Variants in APBA2 observed in about 807,000 individuals in gnomAD.
APBA2 encodes amyloid-beta A4 precursor protein-binding family A member 2.
APBA2 carries 30 observed loss-of-function variants against 75.0 expected under a neutral mutation model. The observed-to-expected ratio is 0.40, with a 90% CI of 0.30 to 0.54. The LOEUF (loss-of-function observed/expected upper bound fraction) is 0.54, where lower values mean the gene tolerates loss of function less well. Ranked by LOEUF, APBA2 falls within the 20% of genes least tolerant of loss-of-function variation. APBA2 has a pLI of 0.49. For missense variants in APBA2, 801 were observed against 1,016.1 expected (o/e 0.79, Z 2.88); for synonymous variants, 444 against 409.6 (o/e 1.08, Z -1.01).
chr15:29,102,125 C>T (rs768510755), intron 10 of APBA2: 5 of 432,530 alleles, frequency 1.2e-5, no homozygotes, highest in South Asian at 4.4e-5. Context: ...TGCAAATTTT[C>T]GCATGGCCCT....
chr15:29,051,469 G>A (rs1595837166), intron 3 of APBA2, among the ~76,000 whole-genome samples: 1 of 152,264 alleles, frequency 6.6e-6, no homozygotes, highest in East Asian at 1.9e-4. Context: ...CTGTGCAGGT[G>A]GCGGAGTAAA....
At chr15:28,920,818 G>A (rs537089263) in intron 1 of APBA2, among the ~76,000 whole-genome samples, 1 of 152,276 alleles carries the variant, frequency 6.6e-6, no homozygotes, top group African/African-American at 2.4e-5. Flanking sequence ...ATATCTCAGT[G>A]CTGCCATCAT....
intron 4 of APBA2, among the ~76,000 whole-genome samples, chr15:29,060,996 G>T (rs1034638431): frequency 6.6e-6 from 1 of 152,128 alleles, no homozygotes; most frequent in Admixed American, 6.5e-5. Flanking sequence ...GACCTGGCAC[G>T]TCCTTGGTGC....
chr15:29,083,957 C>T (rs1201408852), intron 6 of APBA2, among the ~76,000 whole-genome samples: 1 of 152,224 alleles, frequency 6.6e-6, no homozygotes, highest in Non-Finnish European at 1.5e-5. Context: ...CTTGTTCAAG[C>T]TCATTTATCT....
At chr15:29,016,235 GAC>G (rs1359718299) in intron 3 of APBA2, among the ~76,000 whole-genome samples, 1 of 152,160 alleles carries the variant, frequency 6.6e-6, no homozygotes, top group African/African-American at 2.4e-5. Context: ...CCAGCCTGGA[GAC>G]AGAGTGAGAC....
intron 1 of APBA2, among the ~76,000 whole-genome samples, chr15:28,888,157 A>G (rs1457391573): frequency 1.3e-5 from 2 of 152,124 alleles, no homozygotes; most frequent in Admixed American, 1.3e-4. Context: ...TTTCAACAAA[A>G]TGTTAGTTTT....
At chr15:28,958,974 CTTCTCTTCTCTTCTG>C (rs934089163) in intron 2 of APBA2, among the ~76,000 whole-genome samples, 1 of 152,040 alleles carries the variant, frequency 6.6e-6, no homozygotes, top group African/African-American at 2.4e-5. Flanking sequence ...CTATAGGGCT[CTTCTCTTCTCTTCTG>C]TTCTCTTCTC....
intron 7 of APBA2, 91 bp from the exon 8 acceptor site, chr15:29,094,187 G>A (rs1159212643): frequency 1.4e-6 from 2 of 1,393,598 alleles, no homozygotes; most frequent in Non-Finnish European, 2.0e-6. Context: ...AGACCTGAGA[G>A]TGGGGGCATC....
intron 2 of APBA2, among the ~76,000 whole-genome samples, chr15:28,935,702 A>C (rs1003990913): frequency 3.3e-5 from 5 of 152,200 alleles, no homozygotes; most frequent in African/African-American, 9.6e-5. Flanking sequence ...CCAGGTCTGC[A>C]TGAGGACAGC....
At chr15:28,974,495 G>A (rs1171280013) in intron 2 of APBA2, among the ~76,000 whole-genome samples, 8 of 152,068 alleles carry the variant, frequency 5.3e-5, no homozygotes, top group Non-Finnish European at 7.4e-5. Flanking sequence ...ACTTTGTTTC[G>A]AGACTACTTG....
In APBA2 at chr15:28,984,065, G is replaced by A. The variant is rs534001867; in HGVS notation, c.-94-11688G>A. Among the ~76,000 whole-genome samples, 8 of 152,274 alleles carry A rather than the reference G, an allele frequency of 5.3e-5. No individual in the cohort carries two copies. The East Asian group carries it at 1.2e-3, about 22-fold the overall frequency. ...ACACTTTGGTGTGAGGCGTGCCCTCGGTTGATCAGTTACACTGCTGTGGGG... is the reference window on the plus strand; with the variant it reads ...ACACTTTGGTGTGAGGCGTGCCCTCAGTTGATCAGTTACACTGCTGTGGGG... On this transcript the variant is annotated intron_variant, in intron 2 of 14. Coordinates refer to ENST00000683413, the MANE Select transcript of APBA2 (RefSeq NM_001353788.2).
At chr15:28,946,610 G>A (rs1468650648) in intron 2 of APBA2, among the ~76,000 whole-genome samples, 1 of 151,996 alleles carries the variant, frequency 6.6e-6, no homozygotes, top group Non-Finnish European at 1.5e-5. Context: ...ACAGGATCTT[G>A]CTCTGTCATC....
chr15:28,981,081 C>G (rs1053060807), intron 2 of APBA2, among the ~76,000 whole-genome samples: 3 of 152,142 alleles, frequency 2.0e-5, no homozygotes, highest in Admixed American at 6.5e-5. Flanking sequence ...AGAAGAAAAC[C>G]TAGAGAAACA....
Position 29,113,977 on chromosome 15 carries a change from C to A in APBA2, c.2139C>A (p.His713Gln), listed in dbSNP as rs540117581. The part of the protein sequence containing the change: ...INGQSVVATA[H>Q]EKIVQALSNS... ...GGCAGAGCGTGGTGGCCACAGCCCA[C>A]GAGAAGATAGTCCAAGCTCTGTCCA... Residue 713 changes from histidine to glutamine, a missense_variant, in exon 14 of 15, where the codon CAC becomes CAA. By Grantham distance (24) the His-to-Gln change is conservative. Transcript: ENST00000683413. 1.9e-6 allele frequency: 3 copies of A among 1,613,784 alleles called. No individual in the cohort carries two copies. Among genetic ancestry groups the A allele is most frequent in the South Asian group, 2.2e-5 (2 of 91,082 alleles).
chr15:29,029,870 G>A (rs924210193), intron 3 of APBA2, among the ~76,000 whole-genome samples: 3 of 152,154 alleles, frequency 2.0e-5, no homozygotes, highest in Admixed American at 6.5e-5. Context: ...CTGGGCCTGC[G>A]GTGTGAGTTC....
chr15:28,900,595 AT>A (rs374860494), intron 1 of APBA2, among the ~76,000 whole-genome samples: 1 of 151,924 alleles, frequency 6.6e-6, no homozygotes, highest in Non-Finnish European at 1.5e-5. Context: ...AAATGTGGTG[AT>A]TTTTTTTGCT....
intron 2 of APBA2, chr15:28,977,589 A>G (rs568149890): frequency 1.3e-5 from 2 of 152,314 alleles, no homozygotes; most frequent in East Asian, 3.9e-4. Context: ...AGATGAACAC[A>G]TGAGTCATGC....
At chr15:29,087,022 T>C (rs2043319788) in intron 6 of APBA2, among the ~76,000 whole-genome samples, 1 of 152,206 alleles carries the variant, frequency 6.6e-6, no homozygotes, top group Non-Finnish European at 1.5e-5. Flanking sequence ...TAAATGGTAG[T>C]GGATTAGACT....
rs1407724453 is a variant in APBA2, at chr15:29,054,301, G to A, written c.417G>A (p.Glu139=). The A allele has an allele frequency of 6.2e-7, 1 of 1,613,996 alleles. No homozygotes were observed. The highest frequency in any genetic ancestry group is 1.3e-5 in the African/African-American group (1 of 74,926). Residue 139 remains glutamate, a synonymous_variant, in exon 4 of 15, where the codon GAG becomes GAA. Coordinates refer to ENST00000683413, the MANE Select transcript of APBA2 (RefSeq NM_001353788.2). The surrounding 1 kb of genome is among the most constrained non-coding windows in gnomAD (Gnocchi z 6.1). The part of the protein sequence containing the change: ...VDTDECQEAV[E]EWTDSAGPHP... ...CTGATGAGTGCCAGGAGGCGGTGGA[G>A]GAGTGGACGGACTCGGCGGGCCCGC...
Sources: allele counts gnomAD v4.1 joint callset (sites outside exome capture counted in the v4.1 genomes callset), GRCh38; gene constraint gnomAD v4.1.1; non-coding constraint Gnocchi (gnomAD v3.1); transcripts MANE v1.5; gene names NCBI Gene and HGNC (gene_info 2026-07-23, HGNC 2026-07-21).